Variants in FAF1 observed in about 807,000 individuals in gnomAD.
FAF1 encodes Fas associated factor 1, also known as FAS-associated factor 1.
A neutral mutation model predicts 92.5 loss-of-function variants in FAF1; 25 were observed. That is an observed-to-expected ratio of 0.27 (90% CI 0.20 to 0.38). The LOEUF is 0.38. Ranked by LOEUF, FAF1 falls within the 10% of genes least tolerant of loss-of-function variation. FAF1 has a pLI of 1.00. For missense variants in FAF1, 636 were observed against 793.3 expected, an observed-to-expected ratio of 0.80 and a Z score of 2.38; for synonymous variants, 234 against 273.2, an observed-to-expected ratio of 0.86 and a Z score of 1.42.
intron 3 of FAF1, among the ~76,000 whole-genome samples, chr1:50,799,768 T>A (rs187861622): frequency 1.8e-3 from 275 of 152,308 alleles, no homozygotes; most frequent in Middle Eastern, 6.8e-3. Flanking sequence ...TATATTCGAC[T>A]TTATTATAAA....
chr1:50,470,851 T>A (rs1646562867), intron 18 of FAF1: 1 of 152,236 alleles, frequency 6.6e-6, no homozygotes, highest in Non-Finnish European at 1.5e-5. Context: ...TTTGCTATTC[T>A]GCTTCCACTC....
intron 17 of FAF1, among the ~76,000 whole-genome samples, chr1:50,480,808 A>C (rs1486584307): frequency 6.6e-6 from 1 of 152,192 alleles, no homozygotes; most frequent in African/African-American, 2.4e-5. Flanking sequence ...AGAAAAGTTA[A>C]CCATAAAACA....
intron 3 of FAF1, among the ~76,000 whole-genome samples, chr1:50,793,858 T>C (rs977589747): frequency 6.6e-6 from 1 of 152,202 alleles, no homozygotes; most frequent in African/African-American, 2.4e-5. Flanking sequence ...ATAGGTTAAG[T>C]CTCCCTAATC....
chr1:50,780,500 C>T (rs111867300), intron 4 of FAF1: 3,089 of 189,906 alleles, frequency 0.016, 103 homozygotes, highest in African/African-American at 0.07. Flanking sequence ...GACAGGGACT[C>T]ACTTTCTCAT....
intron 4 of FAF1, among the ~76,000 whole-genome samples, chr1:50,752,007 T>C (rs566317189): frequency 3.2e-4 from 48 of 152,286 alleles, no homozygotes; most frequent in African/African-American, 1.1e-3. Context: ...TCTCACTCTA[T>C]TGCCCAGGCT....
chr1:50,594,158 C>CA (rs1247849893), intron 9 of FAF1, among the ~76,000 whole-genome samples: 1 of 151,622 alleles, frequency 6.6e-6, no homozygotes, highest in Non-Finnish European at 1.5e-5. Context: ...ATTAAAAACA[C>CA]AAAAAATTGA....
At chr1:50,767,756 T>G (rs1306363568) in intron 4 of FAF1, among the ~76,000 whole-genome samples, 2 of 152,180 alleles carry the variant, frequency 1.3e-5, no homozygotes, top group African/African-American at 4.8e-5. Flanking sequence ...ATGCTAGGAA[T>G]TTGTCACCAC....
At chr1:50,843,502 T>C (rs184166274) in intron 2 of FAF1, among the ~76,000 whole-genome samples, 1 of 152,114 alleles carries the variant, frequency 6.6e-6, no homozygotes, top group African/African-American at 2.4e-5. Context: ...TATCTACTTT[T>C]GTACACATAA....
At chr1:50,598,462 TA>T (rs890794436) in intron 8 of FAF1, among the ~76,000 whole-genome samples, 1,494 of 112,360 alleles carry the variant, frequency 0.013, 9 homozygotes, top group East Asian at 0.024. Flanking sequence ...AACCTGTCTT[TA>T]AAAAAAAAAA....
intron 6 of FAF1, among the ~76,000 whole-genome samples, chr1:50,711,463 C>CA (rs1657925101): frequency 7.3e-5 from 6 of 81,970 alleles, no homozygotes; most frequent in African/African-American, 3.1e-4. Context: ...TCCACACTGA[C>CA]TTTTTTTTTT....
At chr1:50,819,742 T>TACGTATATATATATATAC (rs1644021397) in intron 2 of FAF1, among the ~76,000 whole-genome samples, 7 of 67,722 alleles carry the variant, frequency 1.0e-4, no homozygotes, top group African/African-American at 3.5e-4. Context: ...TATATATACA[T>TACGTATATATATATATAC]ATATATATAC....
At chr1:50,907,716 G>A (rs879699105) in intron 1 of FAF1, among the ~76,000 whole-genome samples, 9 of 151,884 alleles carry the variant, frequency 5.9e-5, no homozygotes, top group Admixed American at 4.6e-4. Flanking sequence ...CTGTGGGATT[G>A]GTGGTGATAT....
At chr1:50,822,365 C>G (rs1644050800) in intron 2 of FAF1, among the ~76,000 whole-genome samples, 1 of 152,220 alleles carries the variant, frequency 6.6e-6, no homozygotes, top group African/African-American at 2.4e-5. Flanking sequence ...CAATTCACCT[C>G]TTGTCAAATT....
At chr1:50,693,869 A>G (rs529169312) in intron 7 of FAF1, among the ~76,000 whole-genome samples, 37 of 152,262 alleles carry the variant, frequency 2.4e-4, no homozygotes, top group Non-Finnish European at 4.7e-4. Flanking sequence ...CTAAATTCCC[A>G]CATAATGACC....
At chr1:50,514,579 T>C (rs1402654087) in intron 15 of FAF1, among the ~76,000 whole-genome samples, 3 of 152,190 alleles carry the variant, frequency 2.0e-5, no homozygotes, top group Non-Finnish European at 4.4e-5. Context: ...TGTAGGACTA[T>C]AAAAACAGAG....
chr1:50,805,619 C>G (rs1478553195), intron 2 of FAF1, among the ~76,000 whole-genome samples: 1 of 152,246 alleles, frequency 6.6e-6, no homozygotes, highest in South Asian at 2.1e-4. Flanking sequence ...GATTACAAAA[C>G]AGTGGCATGT....
chr1:50,679,068 C>T (rs1265505867), intron 7 of FAF1, among the ~76,000 whole-genome samples: 1 of 152,182 alleles, frequency 6.6e-6, no homozygotes, highest in African/African-American at 2.4e-5. Context: ...GCCTGGGTGA[C>T]AGAGCGAGAC....
At chr1:50,532,183 A>G (rs1648212428) in intron 15 of FAF1, among the ~76,000 whole-genome samples, 2 of 152,188 alleles carry the variant, frequency 1.3e-5, no homozygotes, top group Non-Finnish European at 2.9e-5. Flanking sequence ...AAAAACAAAG[A>G]GAAATCCTTA....
At position 50,675,511 on chromosome 1, in the gene FAF1, T is replaced by C. The variant is rs577705953; in HGVS notation, c.658-19983A>G. Reference sequence around the variant, plus strand: ...GCTCCAGACTAGCTGATTGCTGTTATAGAAAATGTAGGGTTCAGCATTACC... The same window carrying C: ...GCTCCAGACTAGCTGATTGCTGTTACAGAAAATGTAGGGTTCAGCATTACC... On this transcript the variant is annotated intron_variant, in intron 7 of 18. Transcript: ENST00000396153. Among the ~76,000 whole-genome samples the C allele has an allele frequency of 5.3e-5, 8 of 152,338 alleles. No individual in the cohort carries two copies. In the East Asian group the frequency reaches 1.3e-3, roughly 26 times the overall value.
Sources: allele counts gnomAD v4.1 joint callset (sites outside exome capture counted in the v4.1 genomes callset), GRCh38; gene constraint gnomAD v4.1.1; transcripts MANE v1.5; gene names NCBI Gene and HGNC (gene_info 2026-07-23, HGNC 2026-07-21).